The following SH3BGRL2 variants were observed in gnomAD, a reference collection of about 807,000 sequenced individuals.
SH3BGRL2 encodes the protein SH3 domain binding glutamate rich protein like 2, also known as SH3 domain-binding glutamic acid-rich-like protein 2.
In SH3BGRL2, 21 loss-of-function variants were observed where a neutral mutation model predicts 14.8. The observed-to-expected ratio is 1.42, with a 90% confidence interval of 1.01 to 2.05. The LOEUF (loss-of-function observed/expected upper bound fraction) is 2.05, where lower values mean the gene tolerates loss of function less well. Among genes scored for constraint, SH3BGRL2 ranks in the 30% most tolerant of loss-of-function variants. The pLI is 0.00. For missense variants in SH3BGRL2, 147 were observed against 130.8 expected (o/e 1.12, Z -0.61); for synonymous variants, 50 against 47.8 (o/e 1.05, Z -0.19).
chr6:79,663,032 T>C (rs1386099135), intron 1 of SH3BGRL2, among the ~76,000 whole-genome samples: 2 of 152,234 alleles, frequency 1.3e-5, no homozygotes, highest in Non-Finnish European at 2.9e-5. Flanking sequence ...CTGCTTATTC[T>C]AGTTAGCCAT....
chr6:79,615,147 T>A, the SH3BGRL2 span, among the ~76,000 whole-genome samples: 1 of 152,102 alleles, frequency 6.6e-6, no homozygotes, highest in South Asian at 2.1e-4. Context: ...TTGGATTGAT[T>A]GGTTGGAAGC....
chr6:79,626,430 G>A (rs566059674), upstream of SH3BGRL2, among the ~76,000 whole-genome samples: 25 of 152,296 alleles, frequency 1.6e-4, no homozygotes, highest in African/African-American at 5.8e-4. Context: ...GAGGAGAGAT[G>A]AAGGATGTAT....
chr6:79,632,303 G>A (rs1160157639), intron 1 of SH3BGRL2, among the ~76,000 whole-genome samples: 1 of 152,126 alleles, frequency 6.6e-6, no homozygotes, highest in African/African-American at 2.4e-5. Flanking sequence ...AGCTAGAGAT[G>A]TCAGAATTTA....
the SH3BGRL2 span, among the ~76,000 whole-genome samples, chr6:79,590,580 T>A: frequency 6.6e-6 from 1 of 151,232 alleles, no homozygotes; most frequent in Non-Finnish European, 1.5e-5. Context: ...GAAAACCAAA[T>A]ACTGCATGTT....
the SH3BGRL2 span, among the ~76,000 whole-genome samples, chr6:79,572,362 C>T: frequency 6.6e-6 from 1 of 152,124 alleles, no homozygotes; most frequent in African/African-American, 2.4e-5. Flanking sequence ...ATTAAATTTC[C>T]CACTGCTCCA....
chr6:79,664,576 T>C (rs2746314), intron 1 of SH3BGRL2, among the ~76,000 whole-genome samples: 123,944 of 152,142 alleles, frequency 0.81, 50,641 homozygotes, highest in East Asian at 0.98. Flanking sequence ...TCACTGTCAC[T>C]GTGTTCAGTC....
chr6:79,633,537 C>G (rs76612921), intron 1 of SH3BGRL2, among the ~76,000 whole-genome samples: 1 of 152,122 alleles, frequency 6.6e-6, no homozygotes, highest in Non-Finnish European at 1.5e-5. Context: ...TGCCCTGCCT[C>G]GTAGCATGTG....
At chr6:79,562,595 T>C in the SH3BGRL2 span, among the ~76,000 whole-genome samples, 1 of 152,148 alleles carries the variant, frequency 6.6e-6, no homozygotes, top group Admixed American at 6.5e-5. Context: ...CCTTTTCCAA[T>C]AGAAACACAC....
At chr6:79,653,682 A>G (rs1769348334) in intron 1 of SH3BGRL2, among the ~76,000 whole-genome samples, 1 of 152,232 alleles carries the variant, frequency 6.6e-6, no homozygotes, top group Non-Finnish European at 1.5e-5. Flanking sequence ...CAGTGAAGTG[A>G]GGAAAGAGAT....
At chr6:79,575,329 T>C in the SH3BGRL2 span, 7 of 152,226 alleles carry the variant, frequency 4.6e-5, no homozygotes, top group Non-Finnish European at 2.9e-5. Context: ...CTGACTGATT[T>C]ATCAGTTTAT....
chr6:79,571,856 TGTTTGTG>T, the SH3BGRL2 span, among the ~76,000 whole-genome samples: 1 of 152,228 alleles, frequency 6.6e-6, no homozygotes, highest in Non-Finnish European at 1.5e-5. Flanking sequence ...CTCAGCATTA[TGTTTGTG>T]AGGTTTACCC....
the SH3BGRL2 span, among the ~76,000 whole-genome samples, chr6:79,614,643 G>A: frequency 1 from 152,256 of 152,258 alleles, 76,127 homozygotes; most frequent in Non-Finnish European, 1. Flanking sequence ...TATAGACTAA[G>A]TGTGTCCTCC....
At chr6:79,543,512 C>T in the SH3BGRL2 span, among the ~76,000 whole-genome samples, 1 of 152,160 alleles carries the variant, frequency 6.6e-6, no homozygotes, top group Non-Finnish European at 1.5e-5. Context: ...CATGGCTCTG[C>T]CTCTTACTAG....
chr6:79,686,159 T>G (rs1475090820), intron 2 of SH3BGRL2, among the ~76,000 whole-genome samples: 1 of 152,214 alleles, frequency 6.6e-6, no homozygotes, highest in Non-Finnish European at 1.5e-5. Flanking sequence ...TTGCTTTGCT[T>G]CTTTTTCTGG....
At chr6:79,575,442 T>TAA in the SH3BGRL2 span, 3 of 152,180 alleles carry the variant, frequency 2.0e-5, no homozygotes. Flanking sequence ...TATACTCATT[T>TAA]AAAAATTTTA....
chr6:79,562,888 A>G, the SH3BGRL2 span, among the ~76,000 whole-genome samples: 8 of 152,128 alleles, frequency 5.3e-5, no homozygotes. Flanking sequence ...CTGCATTCAA[A>G]GCCATCCTGG....
Position 79,668,188 on chromosome 6 carries a change from C to G in SH3BGRL2, c.46-5426C>G, listed in dbSNP as rs929364308. On this transcript the variant is annotated intron_variant, in intron 1 of 3. Transcript: ENST00000369838. ...TTATATAAGTTAACTGGGATCCTCC[C>G]GGGAAAGAAGTAATCCTACAAGAAG... Among the ~76,000 whole-genome samples the G allele has an allele frequency of 2.6e-5, 4 of 151,954 alleles. No homozygotes were observed. The East Asian group carries it at 5.8e-4, about 22-fold the overall frequency.
chr6:79,626,319 T>C, the SH3BGRL2 span, among the ~76,000 whole-genome samples: 1 of 152,174 alleles, frequency 6.6e-6, no homozygotes, highest in Admixed American at 6.5e-5. Context: ...AAGAACTCTT[T>C]ATTTAATCTG....
At chr6:79,693,378 G>T (rs1218977340) in intron 2 of SH3BGRL2, among the ~76,000 whole-genome samples, 1 of 151,476 alleles carries the variant, frequency 6.6e-6, no homozygotes. Flanking sequence ...GCCCTGGCCA[G>T]GACTTCCAAC....
Sources: allele counts gnomAD v4.1 joint callset (sites outside exome capture counted in the v4.1 genomes callset), GRCh38; gene constraint gnomAD v4.1.1; transcripts MANE v1.5; gene names NCBI Gene and HGNC (gene_info 2026-07-23, HGNC 2026-07-21).